The following UMODL1 variants were observed in gnomAD, a reference collection of about 807,000 sequenced individuals.
UMODL1 encodes uromodulin-like 1.
UMODL1 carries 128 observed loss-of-function variants against 136.3 expected under a neutral mutation model. That is an observed-to-expected ratio of 0.94 (90% CI 0.81 to 1.09). The LOEUF is 1.09. Ranked by LOEUF, UMODL1 falls within the 50% of genes least tolerant of loss-of-function variation. The pLI, the probability that UMODL1 is intolerant of heterozygous loss-of-function variation, is 0.00. For missense variants in UMODL1, 1,766 were observed against 1,725.6 expected (o/e 1.02, Z -0.41); for synonymous variants, 721 against 720.0 (o/e 1.00, Z -0.02).
At chr21:42,089,859 C>T (rs220304) in intron 5 of UMODL1, among the ~76,000 whole-genome samples, 100,449 of 152,134 alleles carry the variant, frequency 0.66, 34,381 homozygotes, top group East Asian at 0.89. Context: ...CTGAGGCTGG[C>T]TGCTGTGAGA....
Position 42,127,789 on chromosome 21 carries a change from A to G in UMODL1, c.3648A>G (p.Lys1216=), listed in dbSNP as rs1173006345. Reference sequence around the variant, plus strand: ...ACTCCATCGTCTACCTGCACTGCAAACTCCGCGTCTGCATGGAATCCCCCG... The same window carrying G: ...ACTCCATCGTCTACCTGCACTGCAAGCTCCGCGTCTGCATGGAATCCCCCG... ...INDSIVYLHC[K]LRVCMESPGA... The change falls in exon 20 of 23, where the codon AAA becomes AAG. Residue 1216 remains lysine (K), a synonymous_variant. Transcript: ENST00000408910. 1.9e-6 allele frequency: 3 copies of G among 1,613,318 alleles called. No homozygotes were observed. The Admixed American group carries it at 5.0e-5, about 27-fold the overall frequency.
intron 8 of UMODL1, chr21:42,103,461 AG>A: frequency 2.8e-6 from 1 of 358,694 alleles, no homozygotes; most frequent in South Asian, 2.1e-5. Context: ...GCCTAGTAAG[AG>A]GGGGGACAGC....
chr21:42,107,413 C>G (rs1337668991), intron 9 of UMODL1, among the ~76,000 whole-genome samples: 1 of 152,222 alleles, frequency 6.6e-6, no homozygotes, highest in African/African-American at 2.4e-5. Context: ...CCTGCTCCCA[C>G]CCGCCTCGCC....
Position 42,108,877 on chromosome 21 carries a change from G to A in UMODL1, c.1520-685G>A, listed in dbSNP as rs74443976. On this transcript the variant is annotated intron_variant, in intron 9 of 22. Transcript: ENST00000408910. Reference sequence around the variant, plus strand: ...TTGTACTCCGCTGGACCCCACCCCCGGCGTGGGAAGTTCATGTTGTACTCA... The same window carrying A: ...TTGTACTCCGCTGGACCCCACCCCCAGCGTGGGAAGTTCATGTTGTACTCA... Among the ~76,000 whole-genome samples, 22 of 63,064 alleles carry A rather than the reference G, an allele frequency of 3.5e-4. 2 individuals carry two copies. Among genetic ancestry groups the A allele is most frequent in the African/African-American group, 8.0e-4 (10 of 12,540 alleles). The allele number at this position is 63,064 out of a possible 152,430, so 41.4% of individuals were successfully genotyped here.
At position 42,123,923 on chromosome 21, in the gene UMODL1, G is replaced by T. The variant is rs1169074347; in HGVS notation, c.3147+773G>T. Among the ~76,000 whole-genome samples, 2 of 152,206 alleles carry T rather than the reference G, an allele frequency of 1.3e-5. No homozygotes were observed. The highest frequency in any genetic ancestry group is 2.1e-4 in the South Asian group (1 of 4,830). ...TGGGCTGTGGGGCTCCCGGGACAGA[G>T]GGAGCCCAGGTGGGGAAAGTGGGTT... is the stretch of plus-strand genomic sequence containing the variant. On this transcript the variant is annotated intron_variant, in intron 17 of 22. Coordinates refer to ENST00000408910, the MANE Select transcript of UMODL1 (RefSeq NM_001004416.3). This position sits in a 1 kb window ranked among gnomAD's most constrained non-coding sequence, Gnocchi z 4.4.
chr21:42,102,190 TAAAG>T lies in UMODL1; in HGVS notation c.1213_1216del (p.Lys405LeufsTer2), dbSNP rs1483307869. Reference sequence around the variant, plus strand: ...GATGCCCAGGTATTTGAAGTCACAATAAAGATTGTAAACCACAACCTGACGGAGA... The same window carrying T: ...GATGCCCAGGTATTTGAAGTCACAATATTGTAAACCACAACCTGACGGAGA... On this transcript the variant is annotated frameshift_variant, in exon 8 of 23. Transcript: ENST00000408910. LOFTEE classifies it high-confidence loss of function. The T allele has an allele frequency of 1.2e-6, 2 of 1,613,410 alleles. No individual in the cohort carries two copies. The highest frequency in any genetic ancestry group is 2.7e-5 in the African/African-American group (2 of 74,930).
chr21:42,119,176 C>T lies in UMODL1; in HGVS notation c.2541C>T (p.Val847=), dbSNP rs781184148. 1.7e-5 allele frequency: 27 copies of T among 1,614,064 alleles called. No homozygotes were observed. The Admixed American group carries it at 2.0e-4, about 12-fold the overall frequency. ...HMDAGGVRME[V]VSVTNGSIVV... ...ACGCTGGTGGGGTCAGGATGGAAGTCGTCAGCGTCACCAACGGCAGCATCG... is the reference window on the plus strand; with the variant it reads ...ACGCTGGTGGGGTCAGGATGGAAGTTGTCAGCGTCACCAACGGCAGCATCG... The change falls in exon 15 of 23, where the codon GTC becomes GTT. Residue 847 remains valine, a synonymous_variant. Transcript: ENST00000408910.
At chr21:42,107,157 C>G (rs2066732736) in intron 9 of UMODL1, among the ~76,000 whole-genome samples, 1 of 152,202 alleles carries the variant, frequency 6.6e-6, no homozygotes, top group Non-Finnish European at 1.5e-5. Context: ...CTTCTCTTTC[C>G]CAACATCTGC....
chr21:42,137,322 G>A (rs2067217623), intron 21 of UMODL1, 117 bp from the exon 22 acceptor site: 5 of 1,292,864 alleles, frequency 3.9e-6, no homozygotes, highest in South Asian at 1.3e-5. Flanking sequence ...GTGCACACGT[G>A]GGCCTTGCAT....
chr21:42,073,007 AGT>A (rs72241179), intron 1 of UMODL1, among the ~76,000 whole-genome samples: 100,503 of 151,014 alleles, frequency 0.67, 34,493 homozygotes, highest in Admixed American at 0.78. Flanking sequence ...ACAGGAGATG[AGT>A]GTGTGTGTGT....
intron 1 of UMODL1, among the ~76,000 whole-genome samples, chr21:42,065,970 A>C (rs13340012): frequency 0.15 from 22,079 of 152,114 alleles, 1,970 homozygotes; most frequent in African/African-American, 0.24. Context: ...TTTGTTTCTG[A>C]CTTGCATTCG....
rs747727740 is a variant in UMODL1, at chr21:42,111,497, C to T, written c.1900-9C>T. 6.2e-7 allele frequency: 1 copy of T among 1,613,810 alleles called. No homozygotes were observed. The highest frequency in any genetic ancestry group is 1.3e-5 in the African/African-American group (1 of 75,050). On this transcript the variant is annotated splice_polypyrimidine_tract_variant and intron_variant, in intron 11 of 22. Coordinates refer to ENST00000408910, the MANE Select transcript of UMODL1 (RefSeq NM_001004416.3). Reference sequence around the variant, plus strand: ...GGCCACAGATGGCCCACTGGCCCTCCCTGGACAGCTACAGGGAAACTCCAT... The same window carrying T: ...GGCCACAGATGGCCCACTGGCCCTCTCTGGACAGCTACAGGGAAACTCCAT...
chr21:42,066,164 C>T (rs772778413), intron 1 of UMODL1, among the ~76,000 whole-genome samples: 1 of 152,172 alleles, frequency 6.6e-6, no homozygotes, highest in Non-Finnish European at 1.5e-5. Flanking sequence ...TGCCCTATGC[C>T]CTTAAAACCA....
Position 42,111,019 on chromosome 21 carries a change from G to A in UMODL1, c.1797G>A (p.Pro599=), listed in dbSNP as rs200361969. 2.4e-3 allele frequency: 3,793 copies of A among 1,612,986 alleles called. 6 individuals are homozygous for A. The highest frequency in any genetic ancestry group is 2.8e-3 in the Non-Finnish European group (3,285 of 1,179,672). The part of the protein sequence containing the change: ...SPSPGYPQGT[P]AAGQAWTPEP... Reference sequence around the variant, plus strand: ...GTCCTGGGTACCCTCAGGGCACCCCGGCAGCAGGCCAGGCCTGGACCCCAG... The same window carrying A: ...GTCCTGGGTACCCTCAGGGCACCCCAGCAGCAGGCCAGGCCTGGACCCCAG... The change falls in exon 11 of 23, where the codon CCG becomes CCA. Residue 599 remains proline, a synonymous_variant. Coordinates refer to ENST00000408910, the MANE Select transcript of UMODL1 (RefSeq NM_001004416.3).
rs1021984474 is a variant in UMODL1 at position 42,127,831 on chromosome 21, C to T, written c.3690C>T (p.Ile1230=). 32 of 1,610,800 alleles carry T rather than the reference C, an allele frequency of 2.0e-5. No homozygotes were observed. The African/African-American group carries it at 2.0e-4, about 10-fold the overall frequency. ...CMESPGATCK[I]NCNNFRLLQN... is the part of the protein sequence containing the mutation. ...AATCCCCCGGAGCCACGTGCAAAAT[C>T]GTAAGTGTTTTTTGGTTTTCTAAAC... Residue 1230 remains isoleucine (I), a splice_region_variant and synonymous_variant, in exon 20 of 23, where the codon ATC becomes ATT. Coordinates refer to ENST00000408910, the MANE Select transcript of UMODL1 (RefSeq NM_001004416.3).
At chr21:42,131,670 A>C (rs2067136404) in intron 21 of UMODL1, among the ~76,000 whole-genome samples, 1 of 151,776 alleles carries the variant, frequency 6.6e-6, no homozygotes, top group Admixed American at 6.6e-5. Context: ...GGTCTTGGCC[A>C]GTGACTCAAC....
At chr21:42,132,589 C>T (rs2067148879) in intron 21 of UMODL1, among the ~76,000 whole-genome samples, 1 of 151,998 alleles carries the variant, frequency 6.6e-6, no homozygotes, top group Admixed American at 6.6e-5. Flanking sequence ...TTCATTAATC[C>T]ATCCACCCAC....
rs151138688 is a variant in UMODL1 at position 42,107,890 on chromosome 21, A to G, written c.1520-1672A>G. Among the ~76,000 whole-genome samples the G allele has an allele frequency of 4.3e-3, 658 of 152,324 alleles. 6 individuals carry two copies. The highest frequency in any genetic ancestry group is 0.015 in the African/African-American group (621 of 41,574). ...CCCCCATTGCTCCAGGAGAGGGCTC[A>G]GCCCTTGTCCCAGCTGCGGGGCCAG... On this transcript the variant is annotated intron_variant, in intron 9 of 22. Transcript: ENST00000408910.
intron 9 of UMODL1, among the ~76,000 whole-genome samples, chr21:42,105,435 C>T (rs1473819811): frequency 6.6e-6 from 1 of 152,202 alleles, no homozygotes; most frequent in African/African-American, 2.4e-5. Flanking sequence ...AGAACCTCGG[C>T]AGCAGGGATG....
Sources: allele counts gnomAD v4.1 joint callset (sites outside exome capture counted in the v4.1 genomes callset), GRCh38; gene constraint gnomAD v4.1.1; non-coding constraint Gnocchi (gnomAD v3.1); transcripts MANE v1.5; gene names NCBI Gene and HGNC (gene_info 2026-07-23, HGNC 2026-07-21).